ARL15: variants seen among roughly 807,000 people sequenced by gnomAD.
ARL15 encodes the protein ARF like GTPase 15.
ARL15 carries 19 observed loss-of-function variants against 25.2 expected under a neutral mutation model. That is an observed-to-expected ratio of 0.75 (90% CI 0.53 to 1.10). The LOEUF is 1.10. ARL15 is among the 50% of genes least tolerant of loss of function. The pLI, the probability that ARL15 is intolerant of heterozygous loss-of-function variation, is 0.00. For synonymous variants in ARL15, 94 were observed against 86.8 expected (o/e 1.08, Z -0.46); for missense variants, 220 against 246.0 (o/e 0.89, Z 0.71).
intron 4 of ARL15, among the ~76,000 whole-genome samples, chr5:54,024,865 C>T (rs554469896): frequency 2.8e-4 from 43 of 151,752 alleles, no homozygotes; most frequent in African/African-American, 9.9e-4. Flanking sequence ...TTTGAAAAGG[C>T]AATTCAAGAA....
At chr5:54,213,346 A>G (rs1756097278) in intron 1 of ARL15, among the ~76,000 whole-genome samples, 1 of 152,220 alleles carries the variant, frequency 6.6e-6, no homozygotes, top group Admixed American at 6.5e-5. Flanking sequence ...CTAGACGACT[A>G]ACTGAGGATG....
intron 4 of ARL15, among the ~76,000 whole-genome samples, chr5:54,050,863 T>A (rs1262956355): frequency 6.6e-6 from 1 of 152,190 alleles, no homozygotes; most frequent in African/African-American, 2.4e-5. Flanking sequence ...ACTAATTTAA[T>A]CTTCTGCTTC....
In ARL15 at chr5:53,957,524, T is replaced by G. The variant is rs182199233; in HGVS notation, c.463-70811A>C. ...GTAAGTCAAAGCTATAACAAAGACA[T>G]AAAGAATGCCGTTAAAAGTAACCAA... On this transcript the variant is annotated intron_variant, in intron 4 of 4. Transcript: ENST00000504924. 2.6e-5 allele frequency among the ~76,000 whole-genome samples: 4 copies of G among 151,868 alleles called. 1 individual carries two copies. The highest frequency in any genetic ancestry group is 5.9e-5 in the Non-Finnish European group (4 of 67,962).
chr5:54,309,761 TAAACTTCTCAGCACAAGCCTGGCC>T (rs1758848534), intron 1 of ARL15, among the ~76,000 whole-genome samples: 1 of 152,214 alleles, frequency 6.6e-6, no homozygotes, highest in African/African-American at 2.4e-5. Flanking sequence ...TTTTCCCACC[TAAACTTCTCAGCACAAGCCTGGCC>T]TAAACAGCCG....
intron 1 of ARL15, among the ~76,000 whole-genome samples, chr5:54,258,030 A>G (rs1276452770): frequency 1.3e-5 from 2 of 152,266 alleles, no homozygotes; most frequent in Middle Eastern, 6.8e-3. Context: ...AAAGCACTTT[A>G]TAAATCAACC....
intron 4 of ARL15, among the ~76,000 whole-genome samples, chr5:53,913,425 CA>C (rs1745530515): frequency 6.6e-6 from 1 of 152,182 alleles, no homozygotes; most frequent in South Asian, 2.1e-4. Context: ...TTGCCCAAGA[CA>C]TTTCTTTCTC....
chr5:54,261,836 G>A (rs181995652), intron 1 of ARL15, among the ~76,000 whole-genome samples: 3 of 152,206 alleles, frequency 2.0e-5, no homozygotes, highest in East Asian at 1.9e-4. Flanking sequence ...ATGAACAAGC[G>A]AAAATTCCAA....
At chr5:54,106,589 C>A (rs75411136) in intron 4 of ARL15, among the ~76,000 whole-genome samples, 2,324 of 152,006 alleles carry the variant, frequency 0.015, 53 homozygotes, top group African/African-American at 0.052. Flanking sequence ...ACTTATAATA[C>A]CTAATAATGT....
intron 4 of ARL15, among the ~76,000 whole-genome samples, chr5:53,922,286 G>A (rs1052181151): frequency 2.0e-5 from 3 of 152,120 alleles, no homozygotes; most frequent in African/African-American, 7.2e-5. Flanking sequence ...GTTTAGTAAC[G>A]AGGATACAAA....
intron 4 of ARL15, among the ~76,000 whole-genome samples, chr5:53,895,313 C>T (rs7729734): frequency 0.48 from 73,737 of 152,064 alleles, 18,720 homozygotes; most frequent in African/African-American, 0.61. Flanking sequence ...GTTACGACTT[C>T]GGATGCTTTG....
chr5:54,030,327 G>T (rs899591807), intron 4 of ARL15, among the ~76,000 whole-genome samples: 3 of 152,138 alleles, frequency 2.0e-5, no homozygotes, highest in Admixed American at 2.0e-4. Context: ...ATAAATAAAA[G>T]GTTGTGGACT....
In ARL15 at chr5:54,194,979, C is replaced by T. The variant is rs529161589; in HGVS notation, c.49-23051G>A. Among the ~76,000 whole-genome samples the T allele has an allele frequency of 2.6e-5, 4 of 152,254 alleles. No individual in the cohort carries two copies. In the East Asian group the frequency reaches 7.7e-4, roughly 29 times the overall value. ...AGTAGGGTGTCTCAGTCCTCCTCTA[C>T]TAGTAGATGGAAGTCACAAGGAGAT... On this transcript the variant is annotated intron_variant, in intron 1 of 4. Transcript: ENST00000504924.
intron 1 of ARL15, among the ~76,000 whole-genome samples, chr5:54,278,733 T>C (rs1353840070): frequency 6.6e-6 from 1 of 152,214 alleles, no homozygotes; most frequent in Non-Finnish European, 1.5e-5. Context: ...TCCTGCCACA[T>C]CTTCCTGAGT....
rs151195535 is a variant in ARL15 at position 53,919,910 on chromosome 5, G to T, written c.463-33197C>A. 2.2e-3 allele frequency among the ~76,000 whole-genome samples: 336 copies of T among 152,274 alleles called. 2 individuals carry two copies. Among genetic ancestry groups the T allele is most frequent in the African/African-American group, 7.6e-3 (314 of 41,540 alleles). On this transcript the variant is annotated intron_variant, in intron 4 of 4. Coordinates refer to ENST00000504924, the MANE Select transcript of ARL15 (RefSeq NM_019087.3). ...TAATCAAGTAATCTTGAACCGACGA[G>T]TCAGTAAATGTCTTTAGCTTCCTAA...
chr5:53,951,059 C>A (rs1428225473), intron 4 of ARL15, among the ~76,000 whole-genome samples: 1 of 152,108 alleles, frequency 6.6e-6, no homozygotes, highest in Non-Finnish European at 1.5e-5. Flanking sequence ...GGAAAAAAAT[C>A]AAAACAATAT....
At chr5:54,307,507 C>A (rs968039713) in intron 1 of ARL15, among the ~76,000 whole-genome samples, 1 of 152,152 alleles carries the variant, frequency 6.6e-6, no homozygotes, top group South Asian at 2.1e-4. Flanking sequence ...CAATAAAACC[C>A]TGTCTTAAAT....
In ARL15 at chr5:53,979,412, G is replaced by C. The variant is rs977637345; in HGVS notation, c.463-92699C>G. On this transcript the variant is annotated intron_variant, in intron 4 of 4. Coordinates refer to ENST00000504924, the MANE Select transcript of ARL15 (RefSeq NM_019087.3). ...AAATTAGCTGGGTATGGTGGTATGT[G>C]CCTGTAGTCCCAGCTACTTGGAGAG... Among the ~76,000 whole-genome samples, 5 of 152,126 alleles carry C rather than the reference G, an allele frequency of 3.3e-5. No homozygotes were observed. In the East Asian group the frequency reaches 9.7e-4, roughly 29 times the overall value.
At chr5:54,055,034 A>G (rs1247064197) in intron 4 of ARL15, among the ~76,000 whole-genome samples, 2 of 152,148 alleles carry the variant, frequency 1.3e-5, no homozygotes, top group East Asian at 3.9e-4. Flanking sequence ...CTTAAAGAAC[A>G]CAGTTCAGTG....
chr5:54,199,001 C>A (rs1419083588), intron 1 of ARL15, among the ~76,000 whole-genome samples: 7 of 151,802 alleles, frequency 4.6e-5, no homozygotes, highest in African/African-American at 1.7e-4. Flanking sequence ...CACATATCTA[C>A]AACTATCTGA....
Sources: gnomAD v4.1 joint callset for allele counts (sites outside exome capture counted in the v4.1 genomes callset) on GRCh38, gnomAD v4.1.1 for gene constraint, MANE v1.5 for transcripts, NCBI Gene and HGNC (gene_info 2026-07-23, HGNC 2026-07-21) for gene names.